The following ANKRD13D variants were observed in gnomAD, a reference collection of about 807,000 sequenced individuals.
ANKRD13D encodes the protein ankyrin repeat domain-containing protein 13D.
A neutral mutation model predicts 68.8 loss-of-function variants in ANKRD13D; 24 were observed. The ratio of observed to expected loss-of-function variants is 0.35; its 90% CI spans 0.25 to 0.49. The LOEUF (loss-of-function observed/expected upper bound fraction) is 0.49. Among genes scored for constraint, ANKRD13D ranks in the 20% least tolerant of loss-of-function variants. The pLI is 0.99. For missense variants in ANKRD13D, 735 were observed against 832.1 expected (o/e 0.88, Z 1.44); for synonymous variants, 331 against 336.1 (o/e 0.98, Z 0.16).
At position 67,299,089 on chromosome 11, in the gene ANKRD13D, G is replaced by C; in HGVS notation, c.763G>C (p.Glu255Gln). Residue 255 changes from glutamate (E) to glutamine (Q), a missense_variant, in exon 7 of 15, where the codon GAG becomes CAG. Transcript: ENST00000511455. This position sits in a 1 kb window ranked among gnomAD's most constrained non-coding sequence, Gnocchi z 6.2. ...ATGTGGTATCTGGGGCTGGCGGTCT[G>C]AGAAGATGGAAACTGTTAGCGGCTA... is the stretch of plus-strand genomic sequence containing the variant. ...NKCGIWGWRS[E>Q]KMETVSGYEA... The C allele has an allele frequency of 6.2e-7, 1 of 1,601,808 alleles. No individual in the cohort carries two copies. Among genetic ancestry groups the C allele is most frequent in the Non-Finnish European group, 8.5e-7 (1 of 1,172,488 alleles).
At position 67,301,536 on chromosome 11, in the gene ANKRD13D, A is replaced by G. The variant is rs980416192; in HGVS notation, c.1397A>G (p.Asn466Ser). 4.3e-6 allele frequency: 7 copies of G among 1,613,070 alleles called. No individual in the cohort carries two copies. Among genetic ancestry groups the G allele is most frequent in the Middle Eastern group, 1.6e-4 (1 of 6,062 alleles). The change falls in exon 13 of 15, where the codon AAC (asparagine) becomes AGC (serine). Residue 466 changes from asparagine (N) to serine (S), a missense_variant. Asn to Ser is a conservative substitution (Grantham distance 46, BLOSUM62 1). Coordinates refer to ENST00000511455, the MANE Select transcript of ANKRD13D (RefSeq NM_207354.3). The surrounding 1 kb of genome is among the most constrained non-coding windows in gnomAD (Gnocchi z 4.5). Reference sequence around the variant, plus strand: ...GACCCCACCGTGTTTGAAGTGCCCAACGGGTACAGCGTGCTGGGCATGGAG... The same window carrying G: ...GACCCCACCGTGTTTGAAGTGCCCAGCGGGTACAGCGTGCTGGGCATGGAG... The part of the protein sequence containing the change: ...EVDPTVFEVP[N>S]GYSVLGMERN...
chr11:67,290,961 G>A (rs1860514607), intron 3 of ANKRD13D: 1 of 178,164 alleles, frequency 5.6e-6, no homozygotes, highest in East Asian at 1.6e-4. Flanking sequence ...CCACCTCCAG[G>A]TGCTTACAGC....
chr11:67,292,258 C>G, intron 6 of ANKRD13D, 78 bp downstream of exon 6: 1 of 1,441,426 alleles, frequency 6.9e-7, no homozygotes, highest in Non-Finnish European at 9.3e-7. Flanking sequence ...CAGGGCGATC[C>G]TTGAAGATCC....
rs778926569 is a variant in ANKRD13D, at chr11:67,292,127, C to T, written c.678C>T (p.Leu226=). ...GCGAGGAGCATGTGGCCAGTCGCCT[C>T]ACCTCTCCTATCGTCTCCACCCACC... The part of the protein sequence containing the change: ...RPSEEHVASR[L]TSPIVSTHLD... Residue 226 remains leucine, a synonymous_variant, in exon 6 of 15, where the codon CTC becomes CTT. Transcript: ENST00000511455. 1.2e-5 allele frequency: 19 copies of T among 1,612,120 alleles called. No individual in the cohort carries two copies. Among genetic ancestry groups the T allele is most frequent in the Admixed American group, 6.7e-5 (4 of 59,990 alleles).
chr11:67,293,914 G>A (rs142732558), intron 6 of ANKRD13D, among the ~76,000 whole-genome samples: 17 of 152,184 alleles, frequency 1.1e-4, no homozygotes, highest in African/African-American at 4.1e-4. Flanking sequence ...GCCATTTTAA[G>A]TTAATTTTTG....
intron 6 of ANKRD13D, among the ~76,000 whole-genome samples, chr11:67,297,125 A>C (rs1266334923): frequency 6.6e-6 from 1 of 152,136 alleles, no homozygotes; most frequent in Non-Finnish European, 1.5e-5. Context: ...CATTGTCTTA[A>C]CATGGAAGGT....
At position 67,290,382 on chromosome 11, in the gene ANKRD13D, G is replaced by T; in HGVS notation, c.287G>T (p.Arg96Leu). 6.3e-7 allele frequency: 1 copy of T among 1,590,000 alleles called. No homozygotes were observed. Among genetic ancestry groups the T allele is most frequent in the East Asian group, 2.3e-5 (1 of 44,030 alleles). The change falls in exon 3 of 15, where the codon CGG (arginine) becomes CTG (leucine). Residue 96 changes from arginine to leucine, a missense_variant. By Grantham distance (102) the Arg-to-Leu change is moderately radical. Transcript: ENST00000511455. Reference protein sequence around the residue: ...PEMVQLVLQYRDYQRATQRLA... With the variant: ...PEMVQLVLQYLDYQRATQRLA... ...ATGGTGCAGCTGGTGCTCCAGTATCGGGACTACCAGAGGGCCACGCAGAGG... is the reference window on the plus strand; with the variant it reads ...ATGGTGCAGCTGGTGCTCCAGTATCTGGACTACCAGAGGGCCACGCAGAGG...
chr11:67,300,635 T>G lies in ANKRD13D; in HGVS notation c.1074-355T>G. On this transcript the variant is annotated intron_variant, in intron 10 of 14. Transcript: ENST00000511455. This position sits in a 1 kb window ranked among gnomAD's most constrained non-coding sequence, Gnocchi z 4.3. ...GTCTTGCCCTGGGGTGTGCTGGACA[T>G]AAAAGTTTGGCAACACGTGAGCTGG... The G allele has an allele frequency of 9.0e-6, 4 of 446,542 alleles. No individual in the cohort carries two copies. The highest frequency in any genetic ancestry group is 1.6e-5 in the Non-Finnish European group (4 of 252,684). The allele number at this position is 446,542 out of a possible 1,614,324, so 27.7% of individuals were successfully genotyped here.
chr11:67,302,057 G>A (rs995313957), intron 14 of ANKRD13D, 62 bp from the exon 15 acceptor site: 34 of 1,471,038 alleles, frequency 2.3e-5, no homozygotes, highest in African/African-American at 5.7e-5. Flanking sequence ...CCAGCCCCTC[G>A]GCTTCTGCCC....
intron 1 of ANKRD13D, 85 bp downstream of exon 1, chr11:67,289,635 C>CA (rs1860448896): frequency 1.1e-5 from 10 of 871,012 alleles, no homozygotes; most frequent in Middle Eastern, 3.5e-4. Context: ...CCCCCCCCCC[C>CA]CCGCCCGCTC....
In ANKRD13D at chr11:67,299,359, T is replaced by C; in HGVS notation, c.799-171T>C. 1.4e-6 allele frequency: 1 copy of C among 709,272 alleles called. No homozygotes were observed. Among genetic ancestry groups the C allele is most frequent in the Non-Finnish European group, 2.4e-6 (1 of 422,060 alleles). 43.9% of individuals were successfully genotyped at this position (709,272 alleles called of 1,614,324 possible). A position where few individuals can be genotyped will look rare whatever the true frequency, so the allele number is the denominator to read the frequency against. On this transcript the variant is annotated intron_variant, in intron 7 of 14. Coordinates refer to ENST00000511455, the MANE Select transcript of ANKRD13D (RefSeq NM_207354.3). This position sits in a 1 kb window ranked among gnomAD's most constrained non-coding sequence, Gnocchi z 6.2. The stretch of plus-strand genomic sequence containing the variant: ...AGTGTGTTCCTCTTGACCCTGGGGC[T>C]GCATCTCCTCGTTGGTGACTTCCTG...
At chr11:67,291,335 G>C in intron 3 of ANKRD13D, 141 bp from the exon 4 acceptor site, 1 of 937,186 alleles carries the variant, frequency 1.1e-6, no homozygotes, top group Non-Finnish European at 1.6e-6. Flanking sequence ...TCCAGCCTGG[G>C]TGACAGAGCA....
intron 6 of ANKRD13D, chr11:67,298,017 A>T (rs906352012): frequency 6.8e-6 from 1 of 147,890 alleles, no homozygotes; most frequent in African/African-American, 2.6e-5. Context: ...GAAAACATAC[A>T]TTGTATGACT....
intron 1 of ANKRD13D, 167 bp downstream of exon 1, chr11:67,289,717 T>TGAGC: frequency 7.4e-7 from 1 of 1,354,900 alleles, no homozygotes; most frequent in Non-Finnish European, 9.6e-7. Flanking sequence ...CCCTCGCGCC[T>TGAGC]GAGCCTCTGG....
intron 6 of ANKRD13D, among the ~76,000 whole-genome samples, chr11:67,293,796 G>A (rs570195647): frequency 2.4e-4 from 37 of 152,296 alleles, no homozygotes; most frequent in African/African-American, 8.9e-4. Flanking sequence ...GGGATTACAG[G>A]CATGAGCCAC....
At chr11:67,295,870 G>A (rs1234176938) in intron 6 of ANKRD13D, among the ~76,000 whole-genome samples, 1 of 152,198 alleles carries the variant, frequency 6.6e-6, no homozygotes, top group Non-Finnish European at 1.5e-5. Context: ...GTGAGTTTTT[G>A]GTAGATACCC....
chr11:67,290,777 A>T, intron 3 of ANKRD13D: 1 of 267,780 alleles, frequency 3.7e-6, no homozygotes, highest in South Asian at 5.3e-5. Flanking sequence ...ACCCTTCTGG[A>T]AGCACACGGA....
Position 67,300,110 on chromosome 11 carries a change from A to G in ANKRD13D, c.1060A>G (p.Ser354Gly). The change falls in exon 10 of 15, where the codon AGC (serine) becomes GGC (glycine). Residue 354 changes from serine to glycine, a missense_variant. Ser to Gly is a moderately conservative substitution (Grantham distance 56). Transcript: ENST00000511455. The surrounding 1 kb of genome is among the most constrained non-coding windows in gnomAD (Gnocchi z 4.3). ...RNIGRPIEMS[S>G]KVQRFKATLW... is the part of the protein sequence containing the mutation. ...CATTGGCCGCCCCATCGAGATGTCC[A>G]GCAAAGTACAGAGGTGAGGTCTGAG... The G allele has an allele frequency of 6.2e-7, 1 of 1,613,954 alleles. No individual in the cohort carries two copies. Among genetic ancestry groups the G allele is most frequent in the Non-Finnish European group, 8.5e-7 (1 of 1,179,932 alleles).
At chr11:67,294,566 A>G in intron 6 of ANKRD13D, among the ~76,000 whole-genome samples, 1 of 144,310 alleles carries the variant, frequency 6.9e-6, no homozygotes, top group African/African-American at 2.6e-5. Flanking sequence ...TTTGAGATGG[A>G]GTCTCACTCT....
Sources: gnomAD v4.1 joint callset for allele counts (sites outside exome capture counted in the v4.1 genomes callset) on GRCh38, gnomAD v4.1.1 for gene constraint, Gnocchi (gnomAD v3.1) non-coding constraint, MANE v1.5 for transcripts, NCBI Gene and HGNC (gene_info 2026-07-23, HGNC 2026-07-21) for gene names.